Variants in CNTNAP2 observed in about 807,000 individuals in gnomAD.
The protein encoded by CNTNAP2 is contactin-associated protein-like 2.
In CNTNAP2, 98 loss-of-function variants were observed where a neutral mutation model predicts 155.2. That is an observed-to-expected ratio of 0.63 (90% CI 0.54 to 0.75). CNTNAP2 has a LOEUF of 0.75. Among genes scored for constraint, CNTNAP2 ranks in the 30% least tolerant of loss-of-function variants. CNTNAP2 has a pLI of 0.00. For missense variants in CNTNAP2, 1,727 were observed against 1,688.1 expected (o/e 1.02, Z -0.40); for synonymous variants, 651 against 631.2 (o/e 1.03, Z -0.47).
chr7:147,312,830 T>A (rs1178280720), intron 9 of CNTNAP2, among the ~76,000 whole-genome samples: 1 of 124,358 alleles, frequency 8.0e-6, no homozygotes, highest in African/African-American at 3.6e-5. Flanking sequence ...CCCTGAGGAA[T>A]CGCCACACTG....
At chr7:148,013,688 A>G (rs939869895) in intron 15 of CNTNAP2, among the ~76,000 whole-genome samples, 2 of 152,222 alleles carry the variant, frequency 1.3e-5, no homozygotes, top group Non-Finnish European at 2.9e-5. Flanking sequence ...AGCCTAATCA[A>G]TTTGTATCCA....
chr7:148,280,162 G>C (rs1796946629), intron 21 of CNTNAP2, among the ~76,000 whole-genome samples: 1 of 152,188 alleles, frequency 6.6e-6, no homozygotes, highest in South Asian at 2.1e-4. Flanking sequence ...ATAAAAATTA[G>C]CCAGGCATGG....
chr7:148,185,558 C>G (rs1230667926), intron 18 of CNTNAP2, among the ~76,000 whole-genome samples: 1 of 152,226 alleles, frequency 6.6e-6, no homozygotes, highest in African/African-American at 2.4e-5. Context: ...AACTCCTGTT[C>G]AGATGAATGA....
intron 1 of CNTNAP2, among the ~76,000 whole-genome samples, chr7:146,157,976 A>T (rs1798154885): frequency 6.6e-6 from 1 of 152,140 alleles, no homozygotes. Flanking sequence ...TAACTAGGAG[A>T]CACCTCCCAG....
In CNTNAP2 at chr7:147,635,184, C is replaced by CTATATATATATATATATATATA. The variant is rs57395379; in HGVS notation, c.1898-3905_1898-3904insATATATATATATATATATATAT. Among the ~76,000 whole-genome samples, 387 of 137,002 alleles carry CTATATATATATATATATATATA rather than the reference C, an allele frequency of 2.8e-3. 5 individuals are homozygous for CTATATATATATATATATATATA. Among genetic ancestry groups the CTATATATATATATATATATATA allele is most frequent in the African/African-American group, 0.011 (364 of 31,952 alleles). The allele number at this position is 137,002 out of a possible 152,430, so 89.9% of individuals were successfully genotyped here. A position where few individuals can be genotyped will look rare whatever the true frequency, so the allele number is the denominator to read the frequency against. On this transcript the variant is annotated intron_variant, in intron 12 of 23. Coordinates refer to ENST00000361727, the MANE Select transcript of CNTNAP2 (RefSeq NM_014141.6). ...TCTCCCAGCCATTATCACTGGCAAA[C>CTATATATATATATATATATATA]TATATATATATATATATGTTTAATT...
intron 3 of CNTNAP2, among the ~76,000 whole-genome samples, chr7:146,863,526 T>C (rs1795145049): frequency 6.6e-6 from 1 of 151,464 alleles, no homozygotes. Context: ...TCAAAATAAC[T>C]AATTAAATAC....
intron 5 of CNTNAP2, among the ~76,000 whole-genome samples, chr7:147,113,464 C>A (rs1167997490): frequency 6.6e-6 from 1 of 151,802 alleles, no homozygotes; most frequent in Non-Finnish European, 1.5e-5. Flanking sequence ...AAGAGGTTTA[C>A]TTGACTTACA....
intron 1 of CNTNAP2, among the ~76,000 whole-genome samples, chr7:146,688,756 C>G (rs933592591): frequency 1.3e-5 from 2 of 152,008 alleles, no homozygotes; most frequent in African/African-American, 4.8e-5. Flanking sequence ...GGCTCAGAGG[C>G]CTGACACATA....
In CNTNAP2 at chr7:146,986,983, C is replaced by T. The variant is rs1028745904; in HGVS notation, c.403-56924C>T. Reference sequence around the variant, plus strand: ...TTATTGTATATAAATAAAGTTGTTTCGTTCTCTGAAGAACCTGCAGAGAAC... The same window carrying T: ...TTATTGTATATAAATAAAGTTGTTTTGTTCTCTGAAGAACCTGCAGAGAAC... On this transcript the variant is annotated intron_variant, in intron 3 of 23. Coordinates refer to ENST00000361727, the MANE Select transcript of CNTNAP2 (RefSeq NM_014141.6). Among the ~76,000 whole-genome samples, 8 of 151,856 alleles carry T rather than the reference C, an allele frequency of 5.3e-5. 1 individual carries two copies. Among genetic ancestry groups the T allele is most frequent in the Admixed American group, 3.9e-4 (6 of 15,246 alleles).
rs137964018 is a variant in CNTNAP2 at position 146,496,691 on chromosome 7, C to T, written c.98-277580C>T. On this transcript the variant is annotated intron_variant, in intron 1 of 23. Coordinates refer to ENST00000361727, the MANE Select transcript of CNTNAP2 (RefSeq NM_014141.6). The stretch of plus-strand genomic sequence containing the variant: ...TTTTTTCCCATATCAAGATCAAAGA[C>T]GAAATCCATGTCTACCAGGCTGTTT... Among the ~76,000 whole-genome samples the T allele has an allele frequency of 2.0e-3, 307 of 152,184 alleles. 5 individuals carry two copies. Among genetic ancestry groups the T allele is most frequent in the Middle Eastern group, 3.4e-3 (1 of 294 alleles).
At chr7:148,341,177 C>G (rs1225778222) in intron 21 of CNTNAP2, among the ~76,000 whole-genome samples, 1 of 152,202 alleles carries the variant, frequency 6.6e-6, no homozygotes, top group African/African-American at 2.4e-5. Context: ...CTTTCCGCTT[C>G]TACTGTAATG....
At chr7:146,185,988 A>G (rs1798618357) in intron 1 of CNTNAP2, among the ~76,000 whole-genome samples, 2 of 152,102 alleles carry the variant, frequency 1.3e-5, no homozygotes, top group African/African-American at 4.8e-5. Context: ...TATCATACCG[A>G]GAGAGGTGTT....
intron 1 of CNTNAP2, among the ~76,000 whole-genome samples, chr7:146,361,174 T>G (rs1404570059): frequency 2.0e-5 from 3 of 152,212 alleles, no homozygotes; most frequent in African/African-American, 7.2e-5. Flanking sequence ...GACTGACCCA[T>G]GAACTCCACA....
intron 8 of CNTNAP2, among the ~76,000 whole-genome samples, chr7:147,185,991 G>A (rs1445573657): frequency 3.3e-5 from 5 of 152,166 alleles, no homozygotes; most frequent in African/African-American, 9.7e-5. Context: ...CGCTAACCAC[G>A]TGGAACTGTG....
chr7:146,389,691 C>CT (rs1795511757), intron 1 of CNTNAP2, among the ~76,000 whole-genome samples: 1 of 143,512 alleles, frequency 7.0e-6, no homozygotes, highest in African/African-American at 2.6e-5. Flanking sequence ...TTTCTTTTTT[C>CT]TTTTCTTTTT....
intron 9 of CNTNAP2, among the ~76,000 whole-genome samples, chr7:147,378,683 T>C (rs1233333782): frequency 6.6e-6 from 1 of 152,236 alleles, no homozygotes; most frequent in South Asian, 2.1e-4. Flanking sequence ...TAAGATTTAA[T>C]GTTTGATAGT....
At chr7:147,694,125 C>T (rs2116995806) in intron 13 of CNTNAP2, among the ~76,000 whole-genome samples, 1 of 150,020 alleles carries the variant, frequency 6.7e-6, no homozygotes, top group East Asian at 1.9e-4. Flanking sequence ...TGTGATTTCT[C>T]TTCCTTAACC....
chr7:146,658,721 C>T (rs1480409037), intron 1 of CNTNAP2, among the ~76,000 whole-genome samples: 2 of 152,204 alleles, frequency 1.3e-5, no homozygotes, highest in Admixed American at 6.5e-5. Flanking sequence ...GTATAATTCT[C>T]ATGACTGATC....
Position 148,301,122 on chromosome 7 carries a change from C to T in CNTNAP2, c.3475+33996C>T, listed in dbSNP as rs557838542. Among the ~76,000 whole-genome samples, 49 of 151,630 alleles carry T rather than the reference C, an allele frequency of 3.2e-4. No individual in the cohort carries two copies. In the East Asian group the frequency reaches 8.7e-3, roughly 27 times the overall value. On this transcript the variant is annotated intron_variant, in intron 21 of 23. Transcript: ENST00000361727. ...CAGCCTGACTAACATGGTGAAACCG[C>T]GTCTGTACTAAAAATACAAAAATTG...
Sources: gnomAD v4.1 joint callset for allele counts (sites outside exome capture counted in the v4.1 genomes callset) on GRCh38, gnomAD v4.1.1 for gene constraint, MANE v1.5 for transcripts, NCBI Gene and HGNC (gene_info 2026-07-23, HGNC 2026-07-21) for gene names.